SLC24A3: variants seen among roughly 807,000 people sequenced by gnomAD.
The protein encoded by SLC24A3 is solute carrier family 24 member 3.
In SLC24A3, 28 loss-of-function variants were observed where a neutral mutation model predicts 75.8. That is an observed-to-expected ratio of 0.37 (90% CI 0.27 to 0.51). SLC24A3 has a LOEUF of 0.51. SLC24A3 is among the 20% of genes least tolerant of loss of function. The pLI, the probability that SLC24A3 is intolerant of heterozygous loss-of-function variation, is 0.94. For synonymous variants in SLC24A3, 372 were observed against 334.1 expected, an observed-to-expected ratio of 1.11 and a Z score of -1.24; for missense variants, 663 against 847.8, an observed-to-expected ratio of 0.78 and a Z score of 2.71.
intron 2 of SLC24A3, among the ~76,000 whole-genome samples, chr20:19,407,844 A>C (rs762756634): frequency 6.6e-6 from 1 of 152,224 alleles, no homozygotes; most frequent in Non-Finnish European, 1.5e-5. Context: ...ATTTGGCAGA[A>C]GGTGTCACTG....
chr20:19,696,871 C>T lies in SLC24A3; in HGVS notation c.1566C>T (p.Ser522=), dbSNP rs554485777. ...TCACCTTCCTGGCTGCTGGGACCAGCGTGCCTGACTGCATGGCCAGCCTCA... is the reference window on the plus strand; with the variant it reads ...TCACCTTCCTGGCTGCTGGGACCAGTGTGCCTGACTGCATGGCCAGCCTCA... ...MGITFLAAGT[S]VPDCMASLIV... is the part of the protein sequence containing the mutation. Residue 522 remains serine, a synonymous_variant, in exon 14 of 17, where the codon AGC becomes AGT. Coordinates refer to ENST00000328041, the MANE Select transcript of SLC24A3 (RefSeq NM_020689.4). The T allele has an allele frequency of 9.8e-5, 157 of 1,602,776 alleles. 1 individual carries two copies. In the South Asian group the frequency reaches 1.1e-3, roughly 11 times the overall value.
chr20:19,333,420 G>C (rs984932303), intron 2 of SLC24A3, among the ~76,000 whole-genome samples: 1 of 152,232 alleles, frequency 6.6e-6, no homozygotes, highest in African/African-American at 2.4e-5. Context: ...AGATGCAGGA[G>C]TCTTAGGGGG....
At chr20:19,392,203 A>C (rs917335018) in intron 2 of SLC24A3, among the ~76,000 whole-genome samples, 2 of 151,416 alleles carry the variant, frequency 1.3e-5, no homozygotes, top group African/African-American at 2.4e-5. Flanking sequence ...TTGTAATTCT[A>C]AGGGGTAAAC....
chr20:19,552,347 A>G (rs1007948224), intron 3 of SLC24A3, among the ~76,000 whole-genome samples: 1 of 152,110 alleles, frequency 6.6e-6, no homozygotes, highest in Non-Finnish European at 1.5e-5. Context: ...TCCCTCTCAC[A>G]TTGCTGTCTA....
intron 2 of SLC24A3, among the ~76,000 whole-genome samples, chr20:19,406,181 GGTGTGTGTGT>G (rs372463704): frequency 2.1e-5 from 3 of 145,444 alleles, no homozygotes; most frequent in South Asian, 2.2e-4. Context: ...TTTTAAAGAT[GGTGTGTGTGT>G]GTGTGTGTGT....
At chr20:19,243,402 A>G (rs1982390751) in intron 1 of SLC24A3, among the ~76,000 whole-genome samples, 1 of 152,214 alleles carries the variant, frequency 6.6e-6, no homozygotes, top group African/African-American at 2.4e-5. Context: ...CTTCCCCAAA[A>G]TAACTGCGAA....
chr20:19,703,457 G>A (rs565021882), intron 15 of SLC24A3, among the ~76,000 whole-genome samples: 3 of 152,140 alleles, frequency 2.0e-5, no homozygotes, highest in African/African-American at 7.2e-5. Context: ...TTTAAATAGA[G>A]AATAAATTTT....
In SLC24A3 at chr20:19,597,186, C is replaced by T. The variant is rs1053322810; in HGVS notation, c.612+11642C>T. 1.2e-3 allele frequency among the ~76,000 whole-genome samples: 60 copies of T among 48,034 alleles called. 1 individual carries two copies. The South Asian group carries it at 0.015, about 12-fold the overall frequency. The allele number at this position is 48,034 out of a possible 152,430, so 31.5% of individuals were successfully genotyped here. On this transcript the variant is annotated intron_variant, in intron 6 of 16. Transcript: ENST00000328041. ...TTGCTTGAGCCTAGGAGTTCCACAA[C>T]GAACGGCCTGGGCAACATAGTGAGA...
At chr20:19,711,156 T>C (rs1296608566) in intron 15 of SLC24A3, among the ~76,000 whole-genome samples, 1 of 146,774 alleles carries the variant, frequency 6.8e-6, no homozygotes, top group African/African-American at 2.5e-5. Context: ...CATCCACACA[T>C]GCAAACATGC....
At chr20:19,346,954 A>G (rs1292404184) in intron 2 of SLC24A3, among the ~76,000 whole-genome samples, 3 of 152,226 alleles carry the variant, frequency 2.0e-5, no homozygotes, top group Non-Finnish European at 2.9e-5. Flanking sequence ...ACAGCCCCAA[A>G]TTTGGAAGCA....
intron 6 of SLC24A3, among the ~76,000 whole-genome samples, chr20:19,598,115 G>C (rs909649425): frequency 2.0e-5 from 3 of 152,154 alleles, no homozygotes; most frequent in African/African-American, 7.2e-5. Context: ...TTTGAGGGGT[G>C]TTTTTGGGAT....
At chr20:19,345,044 G>T (rs1985359379) in intron 2 of SLC24A3, among the ~76,000 whole-genome samples, 1 of 152,124 alleles carries the variant, frequency 6.6e-6, no homozygotes, top group Non-Finnish European at 1.5e-5. Context: ...AAATAAACTG[G>T]TTTTGTTCAC....
chr20:19,476,146 G>T (rs1308707801), intron 2 of SLC24A3, among the ~76,000 whole-genome samples: 2 of 152,212 alleles, frequency 1.3e-5, no homozygotes, highest in Admixed American at 6.5e-5. Context: ...TCCTCTGCCT[G>T]CCCAATGTCT....
chr20:19,650,558 A>G (rs2032189587), intron 6 of SLC24A3, among the ~76,000 whole-genome samples: 1 of 152,282 alleles, frequency 6.6e-6, no homozygotes, highest in East Asian at 1.9e-4. Context: ...TGCTTAGATG[A>G]CAGCTACTTG....
At chr20:19,383,017 C>G (rs1339678679) in intron 2 of SLC24A3, among the ~76,000 whole-genome samples, 1 of 152,178 alleles carries the variant, frequency 6.6e-6, no homozygotes, top group Non-Finnish European at 1.5e-5. Flanking sequence ...GAGAGATGAT[C>G]TCTTTTAAAA....
chr20:19,337,349 C>A (rs549422799), intron 2 of SLC24A3, among the ~76,000 whole-genome samples: 2 of 152,226 alleles, frequency 1.3e-5, no homozygotes, highest in South Asian at 2.1e-4. Flanking sequence ...GAGGCTGAGA[C>A]AGGAGAATCA....
intron 2 of SLC24A3, among the ~76,000 whole-genome samples, chr20:19,299,913 T>C (rs1453795398): frequency 2.6e-5 from 4 of 152,222 alleles, no homozygotes; most frequent in Non-Finnish European, 4.4e-5. Context: ...CTCAATATGT[T>C]TAAAGCCAGG....
At chr20:19,621,007 A>C (rs945754420) in intron 6 of SLC24A3, among the ~76,000 whole-genome samples, 2 of 152,226 alleles carry the variant, frequency 1.3e-5, no homozygotes, top group African/African-American at 4.8e-5. Context: ...TTTTGGAATG[A>C]GTTTGATGTG....
At chr20:19,355,289 T>C (rs1295791642) in intron 2 of SLC24A3, 2 of 152,234 alleles carry the variant, frequency 1.3e-5, no homozygotes, top group African/African-American at 4.8e-5. Flanking sequence ...TCGGTTCTTA[T>C]GTTAAATTTA....
Sources: gnomAD v4.1 joint callset for allele counts (sites outside exome capture counted in the v4.1 genomes callset) on GRCh38, gnomAD v4.1.1 for gene constraint, MANE v1.5 for transcripts, NCBI Gene and HGNC (gene_info 2026-07-23, HGNC 2026-07-21) for gene names.